MAF: variants seen among roughly 807,000 people sequenced by gnomAD.
MAF encodes MAF bZIP transcription factor.
In MAF, 10 loss-of-function variants were observed where a neutral mutation model predicts 22.0. That is an observed-to-expected ratio of 0.45 (90% confidence interval 0.28 to 0.77). The LOEUF (loss-of-function observed/expected upper bound fraction) is 0.77, where lower values mean the gene tolerates loss of function less well. MAF is among the 30% of genes least tolerant of loss of function. The pLI is 0.12. For missense variants in MAF, 544 were observed against 548.4 expected (o/e 0.99, Z 0.08); for synonymous variants, 337 against 255.8 (o/e 1.32, Z -3.03).
chr16:79,386,143 T>C, the MAF span, among the ~76,000 whole-genome samples: 34 of 152,312 alleles, frequency 2.2e-4, no homozygotes, highest in Non-Finnish European at 4.3e-4. Context: ...AATTTTTCCA[T>C]GGGTTGTTGA....
the MAF span, chr16:79,211,717 A>C: frequency 6.2e-7 from 1 of 1,614,218 alleles, no homozygotes; most frequent in Non-Finnish European, 8.5e-7. Flanking sequence ...CCAGAAGCTC[A>C]GAGCGAAGAG....
the MAF span, among the ~76,000 whole-genome samples, chr16:79,477,076 A>G: frequency 6.6e-6 from 1 of 152,206 alleles, no homozygotes; most frequent in Admixed American, 6.5e-5. Context: ...AGAACACTCC[A>G]GGGCAAGAGG....
At chr16:79,353,732 A>G in the MAF span, among the ~76,000 whole-genome samples, 1 of 152,282 alleles carries the variant, frequency 6.6e-6, no homozygotes, top group South Asian at 2.1e-4. Context: ...CTAATAGTAT[A>G]CAGTCTGCAG....
At chr16:79,244,023 A>G in the MAF span, among the ~76,000 whole-genome samples, 4 of 152,196 alleles carry the variant, frequency 2.6e-5, no homozygotes, top group African/African-American at 9.6e-5. Flanking sequence ...ACAACCCTTC[A>G]TGCTAAAACT....
chr16:79,486,083 C>T, the MAF span, among the ~76,000 whole-genome samples: 74 of 152,186 alleles, frequency 4.9e-4, no homozygotes, highest in Non-Finnish European at 1.3e-4. Flanking sequence ...AACCTGATTA[C>T]GGAGTGTCTC....
At chr16:79,252,157 C>T in the MAF span, among the ~76,000 whole-genome samples, 6 of 152,186 alleles carry the variant, frequency 3.9e-5, no homozygotes, top group South Asian at 4.1e-4. Context: ...TGTCAAGAGC[C>T]GAGTTATAAA....
At chr16:79,404,069 T>A in the MAF span, among the ~76,000 whole-genome samples, 1 of 152,306 alleles carries the variant, frequency 6.6e-6, no homozygotes, top group African/African-American at 2.4e-5. Context: ...TGAAACACTT[T>A]CCACCTTGAT....
At chr16:79,358,988 C>A in the MAF span, among the ~76,000 whole-genome samples, 1 of 152,164 alleles carries the variant, frequency 6.6e-6, no homozygotes, top group Non-Finnish European at 1.5e-5. Context: ...CCGGAATGAA[C>A]AGAAAGGCTC....
At chr16:79,389,976 CAAAAAAAA>C in the MAF span, among the ~76,000 whole-genome samples, 7 of 62,954 alleles carry the variant, frequency 1.1e-4, no homozygotes, top group African/African-American at 2.8e-4. Flanking sequence ...GACTCCATCT[CAAAAAAAA>C]AAAAAAAAAA....
chr16:79,279,649 C>T, the MAF span, among the ~76,000 whole-genome samples: 5 of 152,130 alleles, frequency 3.3e-5, no homozygotes, highest in African/African-American at 9.7e-5. Flanking sequence ...AAAGTGTGAA[C>T]CCCCAGAGGG....
At chr16:79,549,080 C>T in the MAF span, among the ~76,000 whole-genome samples, 1 of 152,152 alleles carries the variant, frequency 6.6e-6, no homozygotes, top group Non-Finnish European at 1.5e-5. Context: ...ATCATTACCT[C>T]CTTTGAAGGA....
chr16:79,305,189 C>A, the MAF span, among the ~76,000 whole-genome samples: 2 of 152,136 alleles, frequency 1.3e-5, no homozygotes, highest in African/African-American at 4.8e-5. Flanking sequence ...GAGAGTCATC[C>A]GGGGCAGGTG....
the MAF span, among the ~76,000 whole-genome samples, chr16:79,248,499 G>C: frequency 6.6e-6 from 1 of 152,070 alleles, no homozygotes; most frequent in Non-Finnish European, 1.5e-5. Flanking sequence ...TTTTTCCACA[G>C]GAATTTAATT....
rs1597848632 is a variant in MAF, at chr16:79,599,464, C to A, written c.439G>T (p.Gly147Cys). ...TCGCCGCTGCCGCCCAAGGAGGCGC[C>A]GGCACCGGCCCCGGCCGCCGCGGCC... ...QLAAAAGAGA[G>C]ASLGGSGEEM... The change falls in exon 1 of 2, where the codon GGC (glycine) becomes TGC (cysteine). Residue 147 changes from glycine to cysteine, a missense_variant. Transcript: ENST00000326043. 10 of 1,347,248 alleles carry A rather than the reference C, an allele frequency of 7.4e-6. No individual in the cohort carries two copies. Among genetic ancestry groups the A allele is most frequent in the Non-Finnish European group, 9.4e-6 (10 of 1,059,374 alleles). The allele number at this position is 1,347,248 out of a possible 1,614,324, so 83.5% of individuals were successfully genotyped here.
At chr16:79,328,281 CT>C in the MAF span, among the ~76,000 whole-genome samples, 2 of 150,928 alleles carry the variant, frequency 1.3e-5, no homozygotes, top group East Asian at 1.9e-4. Context: ...ATCAGAGCTC[CT>C]TTTTTTTTAA....
the MAF span, among the ~76,000 whole-genome samples, chr16:79,467,904 C>G: frequency 1.1e-4 from 16 of 148,430 alleles, no homozygotes; most frequent in African/African-American, 3.0e-4. Flanking sequence ...ATAATATTCT[C>G]AAGTAAGTGC....
chr16:79,211,972 C>G, the MAF span: 19 of 1,531,396 alleles, frequency 1.2e-5, no homozygotes, highest in Non-Finnish European at 1.7e-5. Context: ...CAGGGAATTC[C>G]TGGGGTAAAG....
At chr16:79,549,421 C>A in the MAF span, among the ~76,000 whole-genome samples, 1 of 152,206 alleles carries the variant, frequency 6.6e-6, no homozygotes, top group East Asian at 1.9e-4. Flanking sequence ...AAGAAAGCCA[C>A]AAGATACTGT....
the MAF span, among the ~76,000 whole-genome samples, chr16:79,339,301 C>T: frequency 3.2e-3 from 491 of 152,264 alleles, 2 homozygotes; most frequent in African/African-American, 0.011. Flanking sequence ...CCTCATGATC[C>T]GCCTGCCTCG....
Sources: allele counts gnomAD v4.1 joint callset (sites outside exome capture counted in the v4.1 genomes callset), GRCh38; gene constraint gnomAD v4.1.1; transcripts MANE v1.5; gene names NCBI Gene and HGNC (gene_info 2026-07-23, HGNC 2026-07-21).